PTPRN2: variants seen among roughly 807,000 people sequenced by gnomAD.
The protein encoded by PTPRN2 is protein tyrosine phosphatase receptor type N2.
PTPRN2 carries 74 observed loss-of-function variants against 118.8 expected under a neutral mutation model. That is an observed-to-expected ratio of 0.62 (90% confidence interval 0.52 to 0.76). The LOEUF is 0.76. PTPRN2 is among the 30% of genes least tolerant of loss of function. The pLI, the probability that PTPRN2 is intolerant of heterozygous loss-of-function variation, is 0.00. For synonymous variants in PTPRN2, 641 were observed against 608.0 expected (o/e 1.05, Z -0.80); for missense variants, 1,481 against 1,394.4 (o/e 1.06, Z -0.99).
At chr7:158,042,362 C>T (rs762760301) in intron 11 of PTPRN2, among the ~76,000 whole-genome samples, 3 of 152,122 alleles carry the variant, frequency 2.0e-5, no homozygotes, top group Admixed American at 6.6e-5. Flanking sequence ...TGAGCCGCTT[C>T]GGAGCAAAGC....
rs1218242022 is a variant in PTPRN2 at position 158,570,117 on chromosome 7, C to T, written c.112+17441G>A. ...AGAAGCCGCCGCGCCGGGCTGAGAT[C>T]GGGCCCCAGGCTCTCCGCGGAGCCG... On this transcript the variant is annotated intron_variant, in intron 1 of 22. Transcript: ENST00000389418. This position sits in a 1 kb window ranked among gnomAD's most constrained non-coding sequence, Gnocchi z 4.5. Among the ~76,000 whole-genome samples the T allele has an allele frequency of 6.6e-6, 1 of 152,120 alleles. No individual in the cohort carries two copies. Among genetic ancestry groups the T allele is most frequent in the African/African-American group, 2.4e-5 (1 of 41,440 alleles).
intron 9 of PTPRN2, among the ~76,000 whole-genome samples, chr7:158,122,879 T>C (rs1817288326): frequency 2.0e-5 from 3 of 152,172 alleles, no homozygotes; most frequent in Admixed American, 2.0e-4. Flanking sequence ...GAAGCCTGCA[T>C]AAAACTTCTC....
rs1381809511 is a variant in PTPRN2 at position 158,205,235 on chromosome 7, C to G, written c.316G>C (p.Asp106His). The change falls in exon 4 of 23, where the codon GAC (aspartate) becomes CAC (histidine). Residue 106 changes from aspartate to histidine, a missense_variant. Physicochemically the swap from Asp to His is moderately conservative, Grantham distance 81. Transcript: ENST00000389418. Reference sequence around the variant, plus strand: ...TTCGGGAGGTCTGCAAGTTCCTGGTCCATCACATACTGAGTATAGTCATCC... The same window carrying G: ...TTCGGGAGGTCTGCAAGTTCCTGGTGCATCACATACTGAGTATAGTCATCC... ...WQDDYTQYVM[D>H]QELADLPKTY... The G allele has an allele frequency of 3.1e-6, 5 of 1,613,934 alleles. No individual in the cohort carries two copies. Among genetic ancestry groups the G allele is most frequent in the African/African-American group, 1.3e-5 (1 of 74,884 alleles).
chr7:158,273,948 G>T (rs1447228496), intron 3 of PTPRN2, among the ~76,000 whole-genome samples: 13 of 141,084 alleles, frequency 9.2e-5, no homozygotes, highest in Non-Finnish European at 1.5e-4. Context: ...GCAGACACAG[G>T]GGGAGCTGCA....
At chr7:158,280,885 G>A (rs1245265592) in intron 3 of PTPRN2, among the ~76,000 whole-genome samples, 1 of 152,228 alleles carries the variant, frequency 6.6e-6, no homozygotes, top group Non-Finnish European at 1.5e-5. Flanking sequence ...GAACCAGCAC[G>A]CTGTGAACAG....
At chr7:158,134,546 C>G in intron 8 of PTPRN2, among the ~76,000 whole-genome samples, 1 of 152,298 alleles carries the variant, frequency 6.6e-6, no homozygotes, top group South Asian at 2.1e-4. Flanking sequence ...TGAGTCCTCA[C>G]GTAAGCCTGT....
rs144083748 is a variant in PTPRN2, at chr7:157,586,358, C to T, written c.2497-8218G>A. Among the ~76,000 whole-genome samples, 256 of 152,328 alleles carry T rather than the reference C, an allele frequency of 1.7e-3. 3 individuals are homozygous for T. Among genetic ancestry groups the T allele is most frequent in the Middle Eastern group, 6.8e-3 (2 of 294 alleles). ...CTCCAGAGTCAGTGAGATCCACAGA[C>T]GGTTCCCTCTCGCACCAGTCACTGT... is the stretch of plus-strand genomic sequence containing the variant. On this transcript the variant is annotated intron_variant, in intron 17 of 22. Transcript: ENST00000389418.
chr7:157,721,534 C>A (rs556573033), intron 12 of PTPRN2, among the ~76,000 whole-genome samples: 1 of 152,230 alleles, frequency 6.6e-6, no homozygotes, highest in African/African-American at 2.4e-5. Flanking sequence ...CCGAGCCCAG[C>A]GTCCCACCAG....
Position 157,587,323 on chromosome 7 carries a change from G to T in PTPRN2, c.2496+7915C>A, listed in dbSNP as rs538011407. Among the ~76,000 whole-genome samples, 1 of 152,240 alleles carries T rather than the reference G, an allele frequency of 6.6e-6. No individual in the cohort carries two copies. The highest frequency in any genetic ancestry group is 6.5e-5 in the Admixed American group (1 of 15,290). ...TGCCGGGTGGTGGGCGGCCCTGCACGGTGACAGTCAGCTGTCAACTGTCAT... is the reference window on the plus strand; with the variant it reads ...TGCCGGGTGGTGGGCGGCCCTGCACTGTGACAGTCAGCTGTCAACTGTCAT... On this transcript the variant is annotated intron_variant, in intron 17 of 22. Coordinates refer to ENST00000389418, the MANE Select transcript of PTPRN2 (RefSeq NM_002847.5). This position sits in a 1 kb window ranked among gnomAD's most constrained non-coding sequence, Gnocchi z 5.3.
At chr7:158,491,918 G>A (rs1821480535) in intron 1 of PTPRN2, among the ~76,000 whole-genome samples, 1 of 152,188 alleles carries the variant, frequency 6.6e-6, no homozygotes. Context: ...CAGGAGCGTG[G>A]CAGGGAACGT....
Position 158,574,149 on chromosome 7 carries a change from A to G in PTPRN2, c.112+13409T>C, listed in dbSNP as rs1429522311. On this transcript the variant is annotated intron_variant, in intron 1 of 22. Coordinates refer to ENST00000389418, the MANE Select transcript of PTPRN2 (RefSeq NM_002847.5). The surrounding 1 kb of genome is among the most constrained non-coding windows in gnomAD (Gnocchi z 4.6). ...CAATTATAGATTTATGCATATTTTC[A>G]GTAGTGATGAGCACTGTTCTCAGCA... Among the ~76,000 whole-genome samples the G allele has an allele frequency of 6.6e-6, 1 of 152,236 alleles. No homozygotes were observed. The highest frequency in any genetic ancestry group is 1.9e-4 in the East Asian group (1 of 5,204).
chr7:158,290,056 G>T (rs1164825756), intron 3 of PTPRN2, among the ~76,000 whole-genome samples: 2 of 152,220 alleles, frequency 1.3e-5, no homozygotes, highest in Admixed American at 6.5e-5. Flanking sequence ...ATATACCTGA[G>T]TCTGAAGGGG....
chr7:157,582,101 C>T (rs1800415490), intron 17 of PTPRN2, among the ~76,000 whole-genome samples: 1 of 152,182 alleles, frequency 6.6e-6, no homozygotes, highest in South Asian at 2.1e-4. Flanking sequence ...TTTAAAACAA[C>T]GAGTTTGCAG....
Position 158,565,001 on chromosome 7 carries a change from G to A in PTPRN2, c.112+22557C>T, listed in dbSNP as rs1184829920. On this transcript the variant is annotated intron_variant, in intron 1 of 22. Coordinates refer to ENST00000389418, the MANE Select transcript of PTPRN2 (RefSeq NM_002847.5). The surrounding 1 kb of genome is among the most constrained non-coding windows in gnomAD (Gnocchi z 4.6). The stretch of plus-strand genomic sequence containing the variant: ...AGACCCTGCGCAGGCCCTGCCCCAC[G>A]TAACGGCTTTACACAAACTCTAAAA... Among the ~76,000 whole-genome samples, 4 of 152,164 alleles carry A rather than the reference G, an allele frequency of 2.6e-5. No individual in the cohort carries two copies. Among genetic ancestry groups the A allele is most frequent in the African/African-American group, 4.8e-5 (2 of 41,450 alleles).
chr7:158,319,858 C>T (rs868496969), intron 2 of PTPRN2, among the ~76,000 whole-genome samples: 2 of 13,500 alleles, frequency 1.5e-4, no homozygotes, highest in African/African-American at 3.8e-4. Flanking sequence ...CAGCCTCCCT[C>T]ACACACACAG....
intron 12 of PTPRN2, among the ~76,000 whole-genome samples, chr7:157,805,289 CTGTGTGTG>C (rs57161533): frequency 6.7e-6 from 1 of 148,688 alleles, no homozygotes; most frequent in Non-Finnish European, 1.5e-5. Flanking sequence ...ATATATACTC[CTGTGTGTG>C]TGTGTGTGTG....
At chr7:158,364,624 G>C (rs569953117) in intron 2 of PTPRN2, among the ~76,000 whole-genome samples, 1 of 152,184 alleles carries the variant, frequency 6.6e-6, no homozygotes, top group African/African-American at 2.4e-5. Flanking sequence ...ACGCTGACAC[G>C]CTGAGAGTGA....
At chr7:157,888,516 C>T (rs1363081930) in intron 12 of PTPRN2, among the ~76,000 whole-genome samples, 2 of 152,168 alleles carry the variant, frequency 1.3e-5, no homozygotes, top group Non-Finnish European at 2.9e-5. Context: ...AACGTGTGGC[C>T]GTGCTCTCTG....
At chr7:157,935,547 C>G (rs1457005015) in intron 11 of PTPRN2, among the ~76,000 whole-genome samples, 1 of 152,240 alleles carries the variant, frequency 6.6e-6, no homozygotes, top group Non-Finnish European at 1.5e-5. Flanking sequence ...TTTCCCTTTA[C>G]GTTCTTGAAC....
Sources: allele counts gnomAD v4.1 joint callset (sites outside exome capture counted in the v4.1 genomes callset), GRCh38; gene constraint gnomAD v4.1.1; non-coding constraint Gnocchi (gnomAD v3.1); transcripts MANE v1.5; gene names NCBI Gene and HGNC (gene_info 2026-07-23, HGNC 2026-07-21).